The following RUBCN variants were observed in gnomAD, a reference collection of about 807,000 sequenced individuals.
The protein encoded by RUBCN is run domain Beclin-1-interacting and cysteine-rich domain-containing protein.
Under a neutral mutation model 113.2 loss-of-function variants are expected in RUBCN, and 74 were observed. The observed-to-expected ratio is 0.65, with a 90% CI of 0.54 to 0.79. The LOEUF (loss-of-function observed/expected upper bound fraction) is 0.79, where lower values mean the gene tolerates loss of function less well. Ranked by LOEUF, RUBCN falls within the 30% of genes least tolerant of loss-of-function variation. The pLI, the probability that RUBCN is intolerant of heterozygous loss-of-function variation, is 0.00. For synonymous variants in RUBCN, 480 were observed against 490.0 expected (o/e 0.98, Z 0.27); for missense variants, 1,109 against 1,251.7 (o/e 0.89, Z 1.72).
At chr3:197,717,646 C>T (rs1725696947) in intron 2 of RUBCN, among the ~76,000 whole-genome samples, 1 of 152,222 alleles carries the variant, frequency 6.6e-6, no homozygotes, top group African/African-American at 2.4e-5. Context: ...TCATTTTGGA[C>T]TTCGATCTCA....
intron 2 of RUBCN, among the ~76,000 whole-genome samples, chr3:197,715,092 C>T (rs1266477636): frequency 6.6e-6 from 1 of 151,848 alleles, no homozygotes; most frequent in East Asian, 1.9e-4. Context: ...GAGTTCGAGA[C>T]CAGCCTGACC....
At chr3:197,716,615 T>C (rs1455845539) in intron 2 of RUBCN, among the ~76,000 whole-genome samples, 2 of 152,224 alleles carry the variant, frequency 1.3e-5, no homozygotes, top group African/African-American at 2.4e-5. Flanking sequence ...CTCCAAGATG[T>C]CTACATTCTA....
chr3:197,728,650 C>T (rs1336435214), intron 1 of RUBCN, among the ~76,000 whole-genome samples: 3 of 152,336 alleles, frequency 2.0e-5, no homozygotes, highest in East Asian at 3.9e-4. Flanking sequence ...AACTATATGT[C>T]AGGCACTGGG....
chr3:197,741,765 G>C (rs1728532768), upstream of RUBCN, among the ~76,000 whole-genome samples: 1 of 151,772 alleles, frequency 6.6e-6, no homozygotes. Context: ...GGACATTGCA[G>C]TGAGCTGAGA....
At chr3:197,729,407 C>A (rs1319953376) in intron 1 of RUBCN, among the ~76,000 whole-genome samples, 1 of 151,964 alleles carries the variant, frequency 6.6e-6, no homozygotes, top group Non-Finnish European at 1.5e-5. Context: ...CGCCCGCCAC[C>A]ACGCCCGGCT....
intron 2 of RUBCN, among the ~76,000 whole-genome samples, chr3:197,714,138 T>C (rs1218602151): frequency 6.6e-6 from 1 of 152,118 alleles, no homozygotes; most frequent in Non-Finnish European, 1.5e-5. Flanking sequence ...ACTCAGTTAA[T>C]GGTGAAGCTG....
chr3:197,720,610 A>G (rs995986909), intron 1 of RUBCN, among the ~76,000 whole-genome samples: 3 of 151,986 alleles, frequency 2.0e-5, no homozygotes, highest in Non-Finnish European at 2.9e-5. Context: ...TTTCTCCATG[A>G]TGGCCAGACT....
intron 1 of RUBCN, among the ~76,000 whole-genome samples, chr3:197,730,885 CTTTTTTTTT>C (rs71166707): frequency 8.8e-4 from 44 of 50,004 alleles, no homozygotes; most frequent in East Asian, 2.0e-3. Context: ...TTAAAAGCAT[CTTTTTTTTT>C]TTTTTTTTTT....
chr3:197,716,534 A>G (rs1386951030), intron 2 of RUBCN, among the ~76,000 whole-genome samples: 1 of 152,262 alleles, frequency 6.6e-6, no homozygotes, highest in Non-Finnish European at 1.5e-5. Flanking sequence ...GAAAAAAACC[A>G]GCATGGTTTT....
Position 197,683,492 on chromosome 3 carries a change from C to A in RUBCN, c.1848-53G>T, listed in dbSNP as rs549536658. 6 of 1,605,360 alleles carry A rather than the reference C, an allele frequency of 3.7e-6. No individual in the cohort carries two copies. In the East Asian group the frequency reaches 6.7e-5, roughly 18 times the overall value. On this transcript the variant is annotated intron_variant, in intron 12 of 19. Transcript: ENST00000296343. The surrounding 1 kb of genome is among the most constrained non-coding windows in gnomAD (Gnocchi z 4.6). ...GAACACAGGGAAAGGATGGGCGATG[C>A]GAGGCTTCCCTTCATGATCTCATCC...
intron 7 of RUBCN, chr3:197,700,373 A>G: frequency 1.7e-6 from 1 of 586,532 alleles, no homozygotes; most frequent in Non-Finnish European, 3.0e-6. Context: ...ATGTTACCAA[A>G]CTAGTAAAGA....
At chr3:197,686,824 G>A (rs571289733) in intron 11 of RUBCN, among the ~76,000 whole-genome samples, 1 of 152,292 alleles carries the variant, frequency 6.6e-6, no homozygotes, top group African/African-American at 2.4e-5. Flanking sequence ...GATTTCAGGT[G>A]CTTCTGATGC....
intron 1 of RUBCN, among the ~76,000 whole-genome samples, chr3:197,726,534 C>A (rs1031118837): frequency 1.4e-5 from 2 of 139,098 alleles, no homozygotes; most frequent in African/African-American, 5.5e-5. Context: ...GCGTGAGCCA[C>A]CGCGTCCAGC....
At chr3:197,745,018 G>A (rs565048345) in intron 1 of RUBCN, among the ~76,000 whole-genome samples, 1 of 152,058 alleles carries the variant, frequency 6.6e-6, no homozygotes, top group Non-Finnish European at 1.5e-5. Flanking sequence ...GGGCACGGTG[G>A]CTTCACACCT....
At chr3:197,686,012 T>C (rs1721800973) in intron 11 of RUBCN, among the ~76,000 whole-genome samples, 1 of 151,924 alleles carries the variant, frequency 6.6e-6, no homozygotes, top group Non-Finnish European at 1.5e-5. Flanking sequence ...ATTAATTGGC[T>C]AAAAGCAATT....
intron 1 of RUBCN, among the ~76,000 whole-genome samples, chr3:197,729,232 T>C (rs1727121852): frequency 6.7e-6 from 1 of 150,062 alleles, no homozygotes; most frequent in African/African-American, 2.5e-5. Flanking sequence ...CACTGAACAT[T>C]GCTTTTGTTT....
intron 1 of RUBCN, among the ~76,000 whole-genome samples, chr3:197,725,829 C>G (rs1487672446): frequency 1.3e-5 from 2 of 152,156 alleles, no homozygotes; most frequent in Admixed American, 6.6e-5. Context: ...TAACCACCAA[C>G]AAACTCCTTA....
chr3:197,724,578 C>G (rs966532963), intron 1 of RUBCN, among the ~76,000 whole-genome samples: 1 of 152,122 alleles, frequency 6.6e-6, no homozygotes, highest in Non-Finnish European at 1.5e-5. Flanking sequence ...CTGGGACAGG[C>G]CCATGGATCA....
At chr3:197,749,424 G>T (rs1728906091) in exon 1 of RUBCN, 3 of 1,224,774 alleles carry the variant, frequency 2.4e-6, no homozygotes, top group Non-Finnish European at 3.1e-6. Flanking sequence ...TTTGCTTTGC[G>T]TTCAGATGCG....
Sources: allele counts gnomAD v4.1 joint callset (sites outside exome capture counted in the v4.1 genomes callset), GRCh38; gene constraint gnomAD v4.1.1; non-coding constraint Gnocchi (gnomAD v3.1); transcripts MANE v1.5; gene names NCBI Gene and HGNC (gene_info 2026-07-23, HGNC 2026-07-21).